The following WDR1 variants were observed in gnomAD, a reference collection of about 807,000 sequenced individuals.
The protein encoded by WDR1 is WD repeat domain 1, also known as WD repeat-containing protein 1.
In WDR1, 21 loss-of-function variants were observed where a neutral mutation model predicts 71.9. That is an observed-to-expected ratio of 0.29 (90% CI 0.21 to 0.42). WDR1 has a LOEUF of 0.42. Ranked by LOEUF, WDR1 falls within the 10% of genes least tolerant of loss-of-function variation. The pLI, the probability that WDR1 is intolerant of heterozygous loss-of-function variation, is 1.00. For synonymous variants in WDR1, 424 were observed against 347.4 expected (o/e 1.22, Z -2.45); for missense variants, 696 against 824.5 (o/e 0.84, Z 1.91).
At chr4:10,099,180 TG>T (rs1459847161) in intron 3 of WDR1, 41 bp from the exon 4 acceptor site, 2 of 174,150 alleles carry the variant, frequency 1.1e-5, no homozygotes, top group East Asian at 1.0e-4. Context: ...GAGGCGGTGG[TG>T]GGGTAAAGGG....
At position 10,103,924 on chromosome 4, in the gene WDR1, C is replaced by T. The variant is rs376151906; in HGVS notation, c.201G>A (p.Ala67=). The T allele has an allele frequency of 4.3e-5, 68 of 1,598,410 alleles. No individual in the cohort carries two copies. Among genetic ancestry groups the T allele is most frequent in the Admixed American group, 2.6e-4 (15 of 57,950 alleles). The part of the protein sequence containing the change: ...HAHQVVVAKY[A]PSGFYIASGD... ...CGGAGGCAATGTAGAATCCGCTGGG[C>T]GCATACTTGGCCACCACCACCTGAT... Residue 67 remains alanine, a synonymous_variant, in exon 3 of 15, where the codon GCG becomes GCA. Transcript: ENST00000499869.
chr4:10,094,451 C>T (rs1330253608), intron 5 of WDR1, among the ~76,000 whole-genome samples: 1 of 152,188 alleles, frequency 6.6e-6, no homozygotes, highest in African/African-American at 2.4e-5. Context: ...TCCAGGAGTA[C>T]CTATCCCAGG....
intron 10 of WDR1, among the ~76,000 whole-genome samples, chr4:10,081,666 G>GT (rs1560529306): frequency 7.5e-6 from 1 of 132,880 alleles, no homozygotes; most frequent in South Asian, 2.8e-4. Flanking sequence ...GGAGGGGTGG[G>GT]GGGGGGGGAA....
chr4:10,079,769 G>A (rs1245874638), intron 11 of WDR1, among the ~76,000 whole-genome samples: 1 of 152,182 alleles, frequency 6.6e-6, no homozygotes, highest in Admixed American at 6.5e-5. Context: ...TGGATTGTGG[G>A]TGGATCGCGA....
At chr4:10,108,468 G>A (rs1320877272) in intron 2 of WDR1, 2 of 152,230 alleles carry the variant, frequency 1.3e-5, no homozygotes, top group Non-Finnish European at 2.9e-5. Flanking sequence ...CCCTCCTTTA[G>A]CTGCCAACTG....
chr4:10,115,708 A>G (rs138686413), intron 2 of WDR1: 317 of 156,434 alleles, frequency 2.0e-3, no homozygotes, highest in African/African-American at 7.2e-3. Flanking sequence ...CAAATCGCCA[A>G]TCTTCTCAAG....
At position 10,083,120 on chromosome 4, in the gene WDR1, G is replaced by A. The variant is rs768851032; in HGVS notation, c.1098C>T (p.Asn366=). 2.5e-6 allele frequency: 4 copies of A among 1,613,950 alleles called. No homozygotes were observed. The African/African-American group carries it at 5.3e-5, about 22-fold the overall frequency. The part of the protein sequence containing the change: ...NDSFAGKGHT[N]QVSRMTVDES... ...CATCCACGGTCATCCTGGACACCTG[G>A]TTCGTGTGGCCTTTCCCAGCGAAGG... is the stretch of plus-strand genomic sequence containing the variant. Residue 366 remains asparagine, a synonymous_variant, in exon 10 of 15, where the codon AAC becomes AAT. Coordinates refer to ENST00000499869, the MANE Select transcript of WDR1 (RefSeq NM_017491.5).
Position 10,100,815 on chromosome 4 carries a change from C to T in WDR1, c.230-1676G>A, listed in dbSNP as rs367855260. ...GGAAGTCACCACAGGCTGGCAGCAT[C>T]GGAGGGGAGCACTGTGTGTGCAGGA... On this transcript the variant is annotated intron_variant, in intron 3 of 14. Coordinates refer to ENST00000499869, the MANE Select transcript of WDR1 (RefSeq NM_017491.5). 5.5e-4 allele frequency among the ~76,000 whole-genome samples: 84 copies of T among 152,308 alleles called. 2 individuals are homozygous for T. The South Asian group carries it at 0.015, about 26-fold the overall frequency.
At chr4:10,083,001 C>T (rs752638183) in intron 10 of WDR1, 21 bp downstream of exon 10, 18 of 1,596,568 alleles carry the variant, frequency 1.1e-5, no homozygotes, top group South Asian at 5.6e-5. Context: ...CCGGAACCCC[C>T]GCAGACCCGA....
At chr4:10,095,305 T>C (rs945168697) in intron 5 of WDR1, among the ~76,000 whole-genome samples, 3 of 152,230 alleles carry the variant, frequency 2.0e-5, no homozygotes, top group Non-Finnish European at 4.4e-5. Context: ...CCCTCTAAAA[T>C]AAAAAATGCC....
intron 3 of WDR1, among the ~76,000 whole-genome samples, chr4:10,099,789 G>A (rs895617936): frequency 1.4e-4 from 21 of 152,218 alleles, no homozygotes; most frequent in Admixed American, 1.3e-4. Context: ...GCAGTTCCAC[G>A]ACGCACAGGA....
intron 3 of WDR1, among the ~76,000 whole-genome samples, chr4:10,103,462 G>C (rs147183221): frequency 3.9e-5 from 6 of 152,210 alleles, no homozygotes; most frequent in Non-Finnish European, 8.8e-5. Context: ...TTCTGTTCTA[G>C]AACTAAGGCC....
At chr4:10,078,539 T>A (rs934814985) in intron 12 of WDR1, 1 of 213,336 alleles carries the variant, frequency 4.7e-6, no homozygotes, top group African/African-American at 2.3e-5. Context: ...ATTCCTTGAT[T>A]TCCTGACCTG....
At chr4:10,115,015 G>A (rs1713622669) in intron 2 of WDR1, among the ~76,000 whole-genome samples, 1 of 152,220 alleles carries the variant, frequency 6.6e-6, no homozygotes, top group Admixed American at 6.5e-5. Context: ...GCCAGTTGCT[G>A]GCCTCCTGGA....
intron 5 of WDR1, chr4:10,096,569 G>C (rs1712362965): frequency 9.7e-6 from 1 of 103,172 alleles, no homozygotes. Flanking sequence ...ACTACGAACG[G>C]GGCATCCTTG....
At chr4:10,104,036 G>A (rs1329895543) in intron 2 of WDR1, 50 bp from the exon 3 acceptor site, 1 of 1,535,102 alleles carries the variant, frequency 6.5e-7, no homozygotes, top group Non-Finnish European at 8.9e-7. Context: ...AAGCAGTCAA[G>A]CTTCCAGCTC....
At chr4:10,092,816 C>T (rs1712085039) in intron 5 of WDR1, 2 of 346,890 alleles carry the variant, frequency 5.8e-6, no homozygotes, top group Admixed American at 3.6e-5. Context: ...GGGGCAGCAG[C>T]TTCCTGAGGC....
chr4:10,093,624 C>T (rs141969856), intron 5 of WDR1, among the ~76,000 whole-genome samples: 427 of 152,340 alleles, frequency 2.8e-3, no homozygotes, highest in Middle Eastern at 0.01. Flanking sequence ...GAGGCTCATC[C>T]TAACTAACCG....
At position 10,108,778 on chromosome 4, in the gene WDR1, C is replaced by A. The variant is rs552570814; in HGVS notation, c.139-4792G>T. On this transcript the variant is annotated intron_variant, in intron 2 of 14. Transcript: ENST00000499869. ...CTTCTCCTAATTATCTTTTAAGGCC[C>A]AGGCAAAGGGCTTCTCCTCCAAGCA... Among the ~76,000 whole-genome samples the A allele has an allele frequency of 2.0e-5, 3 of 152,336 alleles. No individual in the cohort carries two copies. In the South Asian group the frequency reaches 6.2e-4, roughly 32 times the overall value.
Sources: gnomAD v4.1 joint callset for allele counts (sites outside exome capture counted in the v4.1 genomes callset) on GRCh38, gnomAD v4.1.1 for gene constraint, MANE v1.5 for transcripts, NCBI Gene and HGNC (gene_info 2026-07-23, HGNC 2026-07-21) for gene names.